The following MAP3K5 variants were observed in gnomAD, a reference collection of about 807,000 sequenced individuals.
The protein encoded by MAP3K5 is ASK-1.
In MAP3K5, 56 loss-of-function variants were observed where a neutral mutation model predicts 158.7. The ratio of observed to expected loss-of-function variants is 0.35; its 90% CI spans 0.28 to 0.44. MAP3K5 has a LOEUF of 0.44. Among genes scored for constraint, MAP3K5 ranks in the 20% least tolerant of loss-of-function variants. The pLI, the probability that MAP3K5 is intolerant of heterozygous loss-of-function variation, is 1.00. For missense variants in MAP3K5, 1,294 were observed against 1,674.8 expected, an observed-to-expected ratio of 0.77 and a Z score of 3.97; for synonymous variants, 579 against 601.7, an observed-to-expected ratio of 0.96 and a Z score of 0.55.
At chr6:136,583,499 T>C in intron 24 of MAP3K5, 56 bp downstream of exon 24, 1 of 1,451,652 alleles carries the variant, frequency 6.9e-7, no homozygotes, top group South Asian at 1.3e-5. Flanking sequence ...TGTTTTATCT[T>C]ATTTTTCTAA....
chr6:136,666,833 T>C (rs538186639), intron 8 of MAP3K5, among the ~76,000 whole-genome samples: 1 of 152,316 alleles, frequency 6.6e-6, no homozygotes, highest in South Asian at 2.1e-4. Context: ...CTAAAACAGT[T>C]CTCATGATAG....
intron 1 of MAP3K5, among the ~76,000 whole-genome samples, chr6:136,738,293 G>A (rs1782559907): frequency 6.6e-6 from 1 of 152,114 alleles, no homozygotes; most frequent in Non-Finnish European, 1.5e-5. Context: ...GGTCCAAGGG[G>A]AGTTTCGGTA....
chr6:136,761,851 G>A (rs1327117735), intron 1 of MAP3K5, among the ~76,000 whole-genome samples: 1 of 152,198 alleles, frequency 6.6e-6, no homozygotes, highest in East Asian at 1.9e-4. Context: ...GAGAAGCGAT[G>A]GAGAAGGAAG....
intron 6 of MAP3K5, 116 bp from the exon 7 acceptor site, chr6:136,694,426 A>G: frequency 1.2e-6 from 1 of 846,036 alleles, no homozygotes; most frequent in Non-Finnish European, 1.8e-6. Flanking sequence ...GCCAGGACAG[A>G]AACAATTAGA....
In MAP3K5 at chr6:136,698,575, C is replaced by T. The variant is rs747478919; in HGVS notation, c.720G>A (p.Pro240=). The T allele has an allele frequency of 3.8e-5, 62 of 1,613,860 alleles. No individual in the cohort carries two copies. The highest frequency in any genetic ancestry group is 2.2e-4 in the Admixed American group (13 of 59,992). Residue 240 remains proline (P), a synonymous_variant, in exon 4 of 30, where the codon CCG becomes CCA. Transcript: ENST00000359015. ...TGGGTCCAAGAAGCAGCTCGAAGTT[C>T]GGTTGCATGAGCTCTGTCAACCCCT... ...FMKGLTELMQ[P]NFELLLGPIC...
At chr6:136,714,924 C>T (rs1781457538) in intron 2 of MAP3K5, among the ~76,000 whole-genome samples, 1 of 152,152 alleles carries the variant, frequency 6.6e-6, no homozygotes, top group South Asian at 2.1e-4. Flanking sequence ...TCAAGCATCA[C>T]ATATGTGTGT....
At chr6:136,589,355 C>G (rs1240527770) in intron 23 of MAP3K5, among the ~76,000 whole-genome samples, 3 of 152,136 alleles carry the variant, frequency 2.0e-5, no homozygotes, top group Non-Finnish European at 4.4e-5. Flanking sequence ...GATGAGTTCC[C>G]AGTACCCATT....
intron 8 of MAP3K5, among the ~76,000 whole-genome samples, chr6:136,666,617 A>G (rs1181001361): frequency 2.0e-5 from 3 of 152,164 alleles, no homozygotes; most frequent in South Asian, 2.1e-4. Context: ...CATCATTATT[A>G]TATTAAACTA....
At chr6:136,677,225 C>T (rs1289777615) in intron 7 of MAP3K5, among the ~76,000 whole-genome samples, 3 of 145,312 alleles carry the variant, frequency 2.1e-5, no homozygotes, top group South Asian at 2.2e-4. Context: ...GCAAGCTCTG[C>T]CTCCCAGGTT....
chr6:136,576,344 C>T (rs1358210699), intron 25 of MAP3K5, among the ~76,000 whole-genome samples: 3 of 152,144 alleles, frequency 2.0e-5, no homozygotes, highest in African/African-American at 7.2e-5. Context: ...TGGGGTCTCG[C>T]TCTGTCGCTC....
At chr6:136,640,406 A>G (rs1777870056) in intron 12 of MAP3K5, among the ~76,000 whole-genome samples, 1 of 152,194 alleles carries the variant, frequency 6.6e-6, no homozygotes, top group Admixed American at 6.5e-5. Flanking sequence ...ACAGTTTGTC[A>G]ATCCTTATTT....
chr6:136,665,381 T>C (rs960316734), intron 8 of MAP3K5, among the ~76,000 whole-genome samples: 1 of 151,188 alleles, frequency 6.6e-6, no homozygotes, highest in African/African-American at 2.4e-5. Flanking sequence ...AGTTTCGCTC[T>C]TGTCGCCCAG....
intron 23 of MAP3K5, among the ~76,000 whole-genome samples, chr6:136,584,025 T>C (rs1461116634): frequency 6.6e-6 from 1 of 152,124 alleles, no homozygotes; most frequent in Non-Finnish European, 1.5e-5. Flanking sequence ...TATTTTGAAC[T>C]ATATGGCACC....
In MAP3K5 at chr6:136,737,041, A is replaced by ATATATATATATATATATATATATGTGTG. The variant is rs1562658974; in HGVS notation, c.449-16453_449-16452insCACACATATATATATATATATATATATA. On this transcript the variant is annotated intron_variant, in intron 1 of 29. Coordinates refer to ENST00000359015, the MANE Select transcript of MAP3K5 (RefSeq NM_005923.4). ...TTTACATATATATATGTGTGTGTATATATATATATATATATAAACTTAGAT... is the reference window on the plus strand; with the variant it reads ...TTTACATATATATATGTGTGTGTATATATATATATATATATATATATATGTGTGTATATATATATATATAAACTTAGAT... 4.3e-4 allele frequency among the ~76,000 whole-genome samples: 62 copies of ATATATATATATATATATATATATGTGTG among 143,180 alleles called. 1 individual carries two copies. Among genetic ancestry groups the ATATATATATATATATATATATATGTGTG allele is most frequent in the African/African-American group, 1.7e-3 (60 of 35,704 alleles). 93.9% of individuals were successfully genotyped at this position (143,180 alleles called of 152,430 possible).
At chr6:136,582,007 C>T (rs1003535739) in intron 24 of MAP3K5, among the ~76,000 whole-genome samples, 4 of 151,834 alleles carry the variant, frequency 2.6e-5, no homozygotes, top group South Asian at 2.1e-4. Flanking sequence ...TGCTTGAACC[C>T]GGGAGGCAGA....
chr6:136,743,689 T>A (rs1396140369), intron 1 of MAP3K5, among the ~76,000 whole-genome samples: 1 of 152,214 alleles, frequency 6.6e-6, no homozygotes, highest in Non-Finnish European at 1.5e-5. Context: ...CTCCTTGGTA[T>A]TTACCCAAAT....
At chr6:136,576,816 T>C (rs1774641262) in intron 25 of MAP3K5, among the ~76,000 whole-genome samples, 1 of 152,202 alleles carries the variant, frequency 6.6e-6, no homozygotes, top group Admixed American at 6.5e-5. Context: ...TCCCATAAGA[T>C]TGTAATACTA....
At chr6:136,685,146 C>T (rs1780092869) in intron 7 of MAP3K5, among the ~76,000 whole-genome samples, 1 of 137,322 alleles carries the variant, frequency 7.3e-6, no homozygotes. Flanking sequence ...AACCTTGTCT[C>T]TGCAAAAAAA....
At chr6:136,663,590 G>A (rs369660886) in intron 8 of MAP3K5, among the ~76,000 whole-genome samples, 15 of 143,140 alleles carry the variant, frequency 1.0e-4, no homozygotes, top group African/African-American at 3.6e-4. Flanking sequence ...TAGTTTTTAT[G>A]TCTCTAAATT....
Sources: allele counts gnomAD v4.1 joint callset (sites outside exome capture counted in the v4.1 genomes callset), GRCh38; gene constraint gnomAD v4.1.1; transcripts MANE v1.5; gene names NCBI Gene and HGNC (gene_info 2026-07-23, HGNC 2026-07-21).